Variants in CCDC85A observed in about 807,000 individuals in gnomAD.
CCDC85A encodes coiled-coil domain-containing protein 85A.
Under a neutral mutation model 50.2 loss-of-function variants are expected in CCDC85A, and 38 were observed. That is an observed-to-expected ratio of 0.76 (90% confidence interval 0.58 to 0.99). The LOEUF (loss-of-function observed/expected upper bound fraction) is 0.99, where lower values mean the gene tolerates loss of function less well. Among genes scored for constraint, CCDC85A ranks in the 50% least tolerant of loss-of-function variants. The probability of loss-of-function intolerance (pLI) is 0.00; values close to 1 mark genes in which losing one functional copy is unlikely to be tolerated. For synonymous variants in CCDC85A, 366 were observed against 301.4 expected (o/e 1.21, Z -2.22); for missense variants, 820 against 742.0 (o/e 1.11, Z -1.22).
intron 2 of CCDC85A, among the ~76,000 whole-genome samples, chr2:56,223,573 A>C (rs2103914210): frequency 6.6e-6 from 1 of 152,282 alleles, no homozygotes; most frequent in Non-Finnish European, 1.5e-5. Context: ...TACAATAATC[A>C]CCATTTTACA....
chr2:56,253,230 G>A (rs975411630), intron 2 of CCDC85A, among the ~76,000 whole-genome samples: 2 of 152,140 alleles, frequency 1.3e-5, no homozygotes, highest in African/African-American at 4.8e-5. Flanking sequence ...GATAAACTGT[G>A]ATTGAAACTT....
intron 2 of CCDC85A, among the ~76,000 whole-genome samples, chr2:56,331,851 A>G (rs923275203): frequency 4.6e-5 from 7 of 152,224 alleles, no homozygotes; most frequent in South Asian, 4.1e-4. Context: ...AGGGCAACAC[A>G]TAGCTTTGCT....
chr2:56,323,532 C>T (rs1179843278), intron 2 of CCDC85A, among the ~76,000 whole-genome samples: 1 of 151,942 alleles, frequency 6.6e-6, no homozygotes, highest in East Asian at 1.9e-4. Flanking sequence ...TGAGAAAGTT[C>T]CAAATGCCCC....
intron 2 of CCDC85A, among the ~76,000 whole-genome samples, chr2:56,207,094 G>A (rs1178502825): frequency 1.3e-5 from 2 of 152,188 alleles, no homozygotes; most frequent in African/African-American, 4.8e-5. Context: ...CAACCTTGTG[G>A]ACCCTTTGGC....
chr2:56,310,374 C>G (rs1174917228), intron 2 of CCDC85A, among the ~76,000 whole-genome samples: 1 of 152,152 alleles, frequency 6.6e-6, no homozygotes, highest in African/African-American at 2.4e-5. Flanking sequence ...ATTTAGTTTT[C>G]TGGTACTCAG....
At chr2:56,362,361 T>A (rs1044955296) in intron 3 of CCDC85A, among the ~76,000 whole-genome samples, 19 of 152,032 alleles carry the variant, frequency 1.2e-4, no homozygotes, top group African/African-American at 4.6e-4. Flanking sequence ...TAGTGTTGGA[T>A]GTGTACATGT....
At chr2:56,223,362 ACATAAATGAAT>A (rs772460974) in intron 2 of CCDC85A, among the ~76,000 whole-genome samples, 60 of 152,180 alleles carry the variant, frequency 3.9e-4, no homozygotes, top group Non-Finnish European at 7.1e-4. Context: ...TATAGATAGT[ACATAAATGAAT>A]GTGCATTACT....
At chr2:56,324,206 G>A (rs1015242205) in intron 2 of CCDC85A, among the ~76,000 whole-genome samples, 25 of 152,090 alleles carry the variant, frequency 1.6e-4, no homozygotes, top group Non-Finnish European at 1.9e-4. Context: ...AGAAGCCCCA[G>A]TTGGGTCATT....
chr2:56,336,845 T>A (rs1410277862), intron 2 of CCDC85A, among the ~76,000 whole-genome samples: 8 of 152,262 alleles, frequency 5.3e-5, no homozygotes, highest in African/African-American at 1.9e-4. Flanking sequence ...AATATCAAGT[T>A]ACTGTAAAGG....
chr2:56,275,314 T>G (rs904937869), intron 2 of CCDC85A, among the ~76,000 whole-genome samples: 5 of 152,162 alleles, frequency 3.3e-5, no homozygotes, highest in East Asian at 1.9e-4. Flanking sequence ...TCTTTTAACT[T>G]TTATTTGTAG....
Position 56,269,401 on chromosome 2 carries a change from A to G in CCDC85A, c.1241-73478A>G, listed in dbSNP as rs1670601264. 3.3e-5 allele frequency among the ~76,000 whole-genome samples: 5 copies of G among 151,684 alleles called. No homozygotes were observed. The South Asian group carries it at 1.0e-3, about 32-fold the overall frequency. The stretch of plus-strand genomic sequence containing the variant: ...AGTTGGAGTGGAAGGAAGCAATCTT[A>G]ATGGTTGTGGTAATAGATTTCATTT... On this transcript the variant is annotated intron_variant, in intron 2 of 5. Coordinates refer to ENST00000407595, the MANE Select transcript of CCDC85A (RefSeq NM_001080433.2).
intron 2 of CCDC85A, among the ~76,000 whole-genome samples, chr2:56,236,510 G>T (rs1268567020): frequency 6.6e-6 from 1 of 152,204 alleles, no homozygotes; most frequent in African/African-American, 2.4e-5. Flanking sequence ...GCTGCACAGG[G>T]AAGAGGAAGA....
intron 2 of CCDC85A, among the ~76,000 whole-genome samples, chr2:56,278,677 G>A (rs758230620): frequency 2.0e-5 from 3 of 151,990 alleles, no homozygotes; most frequent in Admixed American, 6.6e-5. Flanking sequence ...GGGTTCAAGC[G>A]ATTCTCCTGC....
intron 2 of CCDC85A, among the ~76,000 whole-genome samples, chr2:56,298,339 A>G (rs1672048557): frequency 6.6e-6 from 1 of 152,164 alleles, no homozygotes; most frequent in Non-Finnish European, 1.5e-5. Context: ...TTGCCTAGGA[A>G]GCAACATGGA....
intron 2 of CCDC85A, among the ~76,000 whole-genome samples, chr2:56,281,846 T>C (rs1260114628): frequency 6.6e-6 from 1 of 152,196 alleles, no homozygotes; most frequent in Non-Finnish European, 1.5e-5. Context: ...ATGTAAATAA[T>C]AGTGAATAAG....
At position 56,235,818 on chromosome 2, in the gene CCDC85A, C is replaced by A. The variant is rs554268132; in HGVS notation, c.1240+42378C>A. ...AGTTAATAAAAAATAAAAATAAATT[C>A]TCATAAAAGATCAAGAAGTGTGAGG... On this transcript the variant is annotated intron_variant, in intron 2 of 5. Transcript: ENST00000407595. Among the ~76,000 whole-genome samples the A allele has an allele frequency of 4.3e-4, 65 of 152,254 alleles. 1 individual carries two copies. The highest frequency in any genetic ancestry group is 1.5e-3 in the African/African-American group (63 of 41,546).
chr2:56,268,010 G>A (rs1670527907), intron 2 of CCDC85A, among the ~76,000 whole-genome samples: 1 of 152,112 alleles, frequency 6.6e-6, no homozygotes, highest in Admixed American at 6.5e-5. Flanking sequence ...TTTGGGTGAT[G>A]GTTAAGTGAT....
At chr2:56,361,179 A>C (rs1225519797) in intron 3 of CCDC85A, among the ~76,000 whole-genome samples, 6 of 152,040 alleles carry the variant, frequency 3.9e-5, no homozygotes, top group Admixed American at 3.9e-4. Context: ...GCGCGAACCC[A>C]GGAGGCGGAG....
intron 3 of CCDC85A, among the ~76,000 whole-genome samples, chr2:56,371,582 G>T (rs954944776): frequency 2.0e-5 from 3 of 151,878 alleles, no homozygotes; most frequent in Non-Finnish European, 4.4e-5. Context: ...GTGAAAGTTG[G>T]CAGGAGAGGA....
Sources: allele counts gnomAD v4.1 joint callset (sites outside exome capture counted in the v4.1 genomes callset), GRCh38; gene constraint gnomAD v4.1.1; transcripts MANE v1.5; gene names NCBI Gene and HGNC (gene_info 2026-07-23, HGNC 2026-07-21).